Variants in KDM4B observed in about 807,000 individuals in gnomAD.
The protein encoded by KDM4B is lysine demethylase 4B.
KDM4B carries 32 observed loss-of-function variants against 125.2 expected under a neutral mutation model. The observed-to-expected ratio is 0.26, with a 90% CI of 0.19 to 0.34. KDM4B has a LOEUF of 0.34. KDM4B is among the 10% of genes least tolerant of loss of function. The pLI, the probability that KDM4B is intolerant of heterozygous loss-of-function variation, is 1.00. For missense variants in KDM4B, 1,190 were observed against 1,577.7 expected, an observed-to-expected ratio of 0.75 and a Z score of 4.16; for synonymous variants, 721 against 677.9, an observed-to-expected ratio of 1.06 and a Z score of -0.99.
chr19:4,980,970 C>T (rs549531751), intron 1 of KDM4B, among the ~76,000 whole-genome samples: 45 of 152,084 alleles, frequency 3.0e-4, no homozygotes, highest in Admixed American at 1.9e-3. Context: ...GTCAGCTTGG[C>T]GGATGCTGGG....
intron 10 of KDM4B, chr19:5,113,934 G>C (rs959228554): frequency 8.2e-7 from 1 of 1,218,602 alleles, no homozygotes; most frequent in Admixed American, 2.9e-5. Context: ...TGAGCTCAGA[G>C]GACACGGCCT....
At position 5,035,863 on chromosome 19, in the gene KDM4B, C is replaced by CTG. The variant is rs376827867; in HGVS notation, c.141+2849_141+2850dup. The stretch of plus-strand genomic sequence containing the variant: ...GGAGGGGCTGTGTGTGCACGTGTCT[C>CTG]TGTGTGTGTGTGTGTGTGCGCGCGC... On this transcript the variant is annotated intron_variant, in intron 3 of 22. Coordinates refer to ENST00000159111, the MANE Select transcript of KDM4B (RefSeq NM_015015.3). This position sits in a 1 kb window ranked among gnomAD's most constrained non-coding sequence, Gnocchi z 5.3. Among the ~76,000 whole-genome samples the CTG allele has an allele frequency of 0.016, 2,254 of 142,280 alleles. 51 individuals are homozygous for CTG. The highest frequency in any genetic ancestry group is 0.052 in the African/African-American group (1,997 of 38,536). 93.3% of individuals were successfully genotyped at this position (142,280 alleles called of 152,430 possible).
intron 6 of KDM4B, among the ~76,000 whole-genome samples, chr19:5,058,984 G>C (rs1032353033): frequency 2.0e-5 from 3 of 152,226 alleles, no homozygotes; most frequent in African/African-American, 7.2e-5. Context: ...CCCGCCAGGC[G>C]GTGTTTGGAT....
At chr19:5,037,120 A>G (rs779901267) in intron 3 of KDM4B, among the ~76,000 whole-genome samples, 2 of 152,226 alleles carry the variant, frequency 1.3e-5, no homozygotes, top group Non-Finnish European at 2.9e-5. Context: ...TTAGCAGACT[A>G]GGATCATGGG....
chr19:5,144,253 A>C lies in KDM4B; in HGVS notation c.2742A>C (p.Gln914His), dbSNP rs776151869. 1.3e-6 allele frequency: 2 copies of C among 1,596,912 alleles called. No individual in the cohort carries two copies. The highest frequency in any genetic ancestry group is 1.7e-6 in the Non-Finnish European group (2 of 1,172,738). The change falls in exon 20 of 23, where the codon CAA (glutamine) becomes CAC (histidine). Residue 914 changes from glutamine to histidine, a missense_variant. Transcript: ENST00000159111. ...CACCCTCCGCACCCTCCCAGGTCCA[A>C]CTCCTGAGGGCCGTGTCCCTAGGCC... Reference protein sequence around the residue: ...LKHKSGGHAVQLLRAVSLGQV... With the variant: ...LKHKSGGHAVHLLRAVSLGQV...
chr19:5,042,125 T>C (rs2036839209), intron 5 of KDM4B, among the ~76,000 whole-genome samples: 1 of 152,240 alleles, frequency 6.6e-6, no homozygotes, highest in Non-Finnish European at 1.5e-5. Context: ...AGATTTTCTT[T>C]TTTTGAATAT....
chr19:5,144,301 C>CA lies in KDM4B; in HGVS notation c.2792dup (p.Asn931LysfsTer34). The CA allele has an allele frequency of 6.3e-7, 1 of 1,592,526 alleles. No homozygotes were observed. Among genetic ancestry groups the CA allele is most frequent in the Non-Finnish European group, 8.5e-7 (1 of 1,170,000 alleles). ...GCCAGGTGGTCATCACCAAGAACCG[C>CA]AACGGGCTGTACTACCGCTGTCGCG... On this transcript the variant is annotated frameshift_variant, in exon 20 of 23. Coordinates refer to ENST00000159111, the MANE Select transcript of KDM4B (RefSeq NM_015015.3). LOFTEE classifies it high-confidence loss of function.
At chr19:5,080,994 G>A (rs965863759) in intron 8 of KDM4B, 1 of 152,230 alleles carries the variant, frequency 6.6e-6, no homozygotes, top group African/African-American at 2.4e-5. Context: ...AGGAGGGAAC[G>A]AGGTCTGTGG....
At chr19:5,111,376 A>T (rs1427678747) in intron 10 of KDM4B, 1 of 762,924 alleles carries the variant, frequency 1.3e-6, no homozygotes, top group African/African-American at 1.7e-5. Context: ...CCCACTCAGA[A>T]CCCCTCCCTG....
At chr19:4,974,476 C>T (rs1472779919) in intron 1 of KDM4B, among the ~76,000 whole-genome samples, 4 of 151,632 alleles carry the variant, frequency 2.6e-5, no homozygotes, top group Admixed American at 6.6e-5. Flanking sequence ...TGGTGGCTCA[C>T]GCCTGTAATC....
intron 11 of KDM4B, 113 bp from the exon 12 acceptor site, chr19:5,130,962 TG>T: frequency 1.3e-6 from 1 of 775,486 alleles, no homozygotes; most frequent in Non-Finnish European, 2.0e-6. Context: ...GTGGCCTCTC[TG>T]GGTGGAAGGA....
intron 1 of KDM4B, among the ~76,000 whole-genome samples, chr19:4,996,618 CT>C (rs1215345084): frequency 6.6e-6 from 1 of 152,028 alleles, no homozygotes; most frequent in Non-Finnish European, 1.5e-5. Flanking sequence ...TGTTGCTCAG[CT>C]GTCCCCTGAG....
Position 5,131,387 on chromosome 19 carries a change from G to A in KDM4B, c.1627G>A (p.Glu543Lys), listed in dbSNP as rs1250576824. Residue 543 changes from glutamate (E) to lysine (K), a missense_variant, in exon 12 of 23, where the codon GAG (glutamate) becomes AAG (lysine). Physicochemically the swap from Glu to Lys is moderately conservative, Grantham distance 56 (BLOSUM62 1). Coordinates refer to ENST00000159111, the MANE Select transcript of KDM4B (RefSeq NM_015015.3). ...PRPGKAAFNQ[E>K]HVSCQQAFEH... ...GCCGGGCAAGGCAGCCTTCAACCAG[G>A]AGCACGTGTCCTGCCAGCAGGCCTT... The A allele has an allele frequency of 8.7e-6, 14 of 1,611,638 alleles. No individual in the cohort carries two copies. The highest frequency in any genetic ancestry group is 1.2e-5 in the Non-Finnish European group (14 of 1,179,766).
chr19:5,038,235 G>T (rs2036692325), intron 3 of KDM4B, among the ~76,000 whole-genome samples: 1 of 152,242 alleles, frequency 6.6e-6, no homozygotes, highest in African/African-American at 2.4e-5. Flanking sequence ...CCCCGGAGCG[G>T]CTGGGAGGGC....
chr19:5,061,260 C>A (rs1458650074), intron 6 of KDM4B, among the ~76,000 whole-genome samples: 1 of 152,238 alleles, frequency 6.6e-6, no homozygotes, highest in African/African-American at 2.4e-5. Flanking sequence ...TCCCCATCTT[C>A]CCTGAGCCGA....
chr19:5,055,234 C>G (rs190004156), intron 6 of KDM4B, among the ~76,000 whole-genome samples: 88 of 152,354 alleles, frequency 5.8e-4, no homozygotes, highest in African/African-American at 1.9e-3. Flanking sequence ...ACCGGGAAAC[C>G]CGGGGCACAT....
intron 6 of KDM4B, among the ~76,000 whole-genome samples, chr19:5,062,913 T>C (rs1192779601): frequency 6.6e-6 from 1 of 151,644 alleles, no homozygotes; most frequent in African/African-American, 2.4e-5. Context: ...TCTGAGGAGC[T>C]GGGAACACAG....
In KDM4B at chr19:5,141,208, G is replaced by A. The variant is rs2039736098; in HGVS notation, c.2551-2759G>A. ...CAGTCACAGAGGCTCATCTGGAAGG[G>A]GAGCCCTCTTTCCTTGTTCGTGGAG... is the stretch of plus-strand genomic sequence containing the variant. On this transcript the variant is annotated intron_variant, in intron 18 of 22. Coordinates refer to ENST00000159111, the MANE Select transcript of KDM4B (RefSeq NM_015015.3). The surrounding 1 kb of genome is among the most constrained non-coding windows in gnomAD (Gnocchi z 6.4). The A allele has an allele frequency of 1.3e-5, 2 of 152,252 alleles. No individual in the cohort carries two copies. Among genetic ancestry groups the A allele is most frequent in the African/African-American group, 4.8e-5 (2 of 41,458 alleles). 9.4% of individuals were successfully genotyped at this position (152,252 alleles called of 1,614,324 possible).
chr19:5,102,109 G>A (rs1460672641), intron 9 of KDM4B, among the ~76,000 whole-genome samples: 1 of 152,150 alleles, frequency 6.6e-6, no homozygotes, highest in Non-Finnish European at 1.5e-5. Flanking sequence ...GAGGCGTGGG[G>A]TGCGTGCCCG....
Sources: allele counts gnomAD v4.1 joint callset (sites outside exome capture counted in the v4.1 genomes callset), GRCh38; gene constraint gnomAD v4.1.1; non-coding constraint Gnocchi (gnomAD v3.1); transcripts MANE v1.5; gene names NCBI Gene and HGNC (gene_info 2026-07-23, HGNC 2026-07-21).